The following PLCE1 variants were observed in gnomAD, a reference collection of about 807,000 sequenced individuals.
PLCE1 encodes 1-phosphatidylinositol 4,5-bisphosphate phosphodiesterase epsilon-1.
PLCE1 carries 119 observed loss-of-function variants against 242.8 expected under a neutral mutation model. The ratio of observed to expected loss-of-function variants is 0.49; its 90% CI spans 0.42 to 0.57. The LOEUF (loss-of-function observed/expected upper bound fraction) is 0.57. PLCE1 is among the 20% of genes least tolerant of loss of function. PLCE1 has a pLI of 0.00. For synonymous variants in PLCE1, 945 were observed against 1,017.4 expected, an observed-to-expected ratio of 0.93 and a Z score of 1.35; for missense variants, 2,441 against 2,788.8, an observed-to-expected ratio of 0.88 and a Z score of 2.81.
intron 25 of PLCE1, among the ~76,000 whole-genome samples, chr10:94,305,486 CTTGTCT>C (rs1432383705): frequency 6.6e-6 from 1 of 152,122 alleles, no homozygotes; most frequent in Non-Finnish European, 1.5e-5. Flanking sequence ...ACCTTTAGAT[CTTGTCT>C]CTCTCTCTCC....
chr10:94,321,438 C>T (rs2053796876), intron 29 of PLCE1, among the ~76,000 whole-genome samples: 1 of 152,180 alleles, frequency 6.6e-6, no homozygotes, highest in Non-Finnish European at 1.5e-5. Context: ...TCAAGACCAG[C>T]CTGGCCAGCA....
intron 4 of PLCE1, among the ~76,000 whole-genome samples, chr10:94,185,656 C>T (rs893982653): frequency 1.3e-5 from 2 of 152,122 alleles, no homozygotes; most frequent in African/African-American, 4.8e-5. Flanking sequence ...GACACTTAAA[C>T]AAGATAACAT....
chr10:94,284,136 G>A (rs2052351567), intron 21 of PLCE1, among the ~76,000 whole-genome samples: 1 of 152,186 alleles, frequency 6.6e-6, no homozygotes, highest in South Asian at 2.1e-4. Flanking sequence ...TGTATGTGTG[G>A]CAGGTACTGA....
chr10:94,060,461 T>G (rs1184417434), intron 2 of PLCE1, among the ~76,000 whole-genome samples: 2 of 152,116 alleles, frequency 1.3e-5, no homozygotes, highest in Non-Finnish European at 2.9e-5. Flanking sequence ...GGAAACAAGA[T>G]TAGCTTGCTG....
intron 2 of PLCE1, among the ~76,000 whole-genome samples, chr10:94,083,365 C>A (rs994779429): frequency 6.6e-6 from 1 of 152,088 alleles, no homozygotes; most frequent in African/African-American, 2.4e-5. Context: ...ATAAAGGTGT[C>A]GGTCGTTTTC....
chr10:94,007,355 T>C (rs1054589721), intron 1 of PLCE1, among the ~76,000 whole-genome samples: 1 of 152,118 alleles, frequency 6.6e-6, no homozygotes, highest in African/African-American at 2.4e-5. Flanking sequence ...AAGGAGTGGC[T>C]GGTGCTATTC....
At chr10:94,134,698 G>T (rs1466346696) in intron 3 of PLCE1, among the ~76,000 whole-genome samples, 1 of 152,174 alleles carries the variant, frequency 6.6e-6, no homozygotes, top group African/African-American at 2.4e-5. Flanking sequence ...TCTGTGGAGA[G>T]AAATAAGGAA....
At chr10:94,312,738 C>T (rs191714865) in intron 27 of PLCE1, among the ~76,000 whole-genome samples, 1 of 152,184 alleles carries the variant, frequency 6.6e-6, no homozygotes, top group African/African-American at 2.4e-5. Flanking sequence ...TCACTATAAG[C>T]CTTCCATAAA....
At chr10:94,154,962 GGA>G (rs2047384476) in intron 3 of PLCE1, among the ~76,000 whole-genome samples, 1 of 72,522 alleles carries the variant, frequency 1.4e-5, no homozygotes, top group Non-Finnish European at 4.2e-5. Flanking sequence ...GATAATTGGG[GGA>G]AAAAAAAGTA....
chr10:94,019,592 G>A (rs938098393), intron 1 of PLCE1, among the ~76,000 whole-genome samples: 4 of 152,196 alleles, frequency 2.6e-5, no homozygotes, highest in African/African-American at 9.6e-5. Context: ...CTATATCTCC[G>A]CTGTCCAATA....
intron 2 of PLCE1, among the ~76,000 whole-genome samples, chr10:94,083,363 G>A (rs981085017): frequency 1.4e-4 from 21 of 152,164 alleles, no homozygotes; most frequent in African/African-American, 5.1e-4. Context: ...GTATAAAGGT[G>A]TCGGTCGTTT....
chr10:94,196,153 T>C (rs1264768999), intron 4 of PLCE1, among the ~76,000 whole-genome samples: 4 of 152,224 alleles, frequency 2.6e-5, no homozygotes, highest in Non-Finnish European at 5.9e-5. Context: ...TGATACTTAA[T>C]GTATAAGGTG....
At chr10:94,263,949 G>A (rs1359513084) in intron 14 of PLCE1, among the ~76,000 whole-genome samples, 8 of 152,042 alleles carry the variant, frequency 5.3e-5, no homozygotes, top group Admixed American at 5.2e-4. Flanking sequence ...TTTAGTCTAG[G>A]TTTTCAACCT....
At chr10:94,177,211 C>T (rs7078224) in intron 4 of PLCE1, among the ~76,000 whole-genome samples, 4,738 of 152,192 alleles carry the variant, frequency 0.031, 216 homozygotes, top group African/African-American at 0.093. Context: ...ACTCAAAGTA[C>T]GACCATGAAA....
chr10:94,178,554 G>A (rs2048195318), intron 4 of PLCE1, among the ~76,000 whole-genome samples: 2 of 152,188 alleles, frequency 1.3e-5, no homozygotes, highest in South Asian at 4.1e-4. Flanking sequence ...CAGTTCAACA[G>A]TTTAAAGGCC....
At chr10:94,030,452 T>C (rs1161659704) in intron 1 of PLCE1, among the ~76,000 whole-genome samples, 3 of 152,246 alleles carry the variant, frequency 2.0e-5, no homozygotes, top group East Asian at 3.9e-4. Flanking sequence ...TGATTTTCTT[T>C]TTAGTTATTT....
chr10:94,045,262 A>G (rs918059982), intron 2 of PLCE1, among the ~76,000 whole-genome samples: 1 of 152,134 alleles, frequency 6.6e-6, no homozygotes, highest in Non-Finnish European at 1.5e-5. Flanking sequence ...GAAGCTGGGA[A>G]TATGGGCTCG....
Position 94,207,486 on chromosome 10 carries a change from T to TAC in PLCE1, c.1810-19816_1810-19815dup, listed in dbSNP as rs1715057432. On this transcript the variant is annotated intron_variant, in intron 4 of 32. Coordinates refer to ENST00000371380, the MANE Select transcript of PLCE1 (RefSeq NM_016341.4). ...TGAATGTAGGCTTTTATAATCTATA[T>TAC]ACACAAATAAATGAGGGAATAGTTA... Among the ~76,000 whole-genome samples the TAC allele has an allele frequency of 2.6e-5, 4 of 151,796 alleles. No homozygotes were observed. In the South Asian group the frequency reaches 8.3e-4, roughly 32 times the overall value.
intron 8 of PLCE1, among the ~76,000 whole-genome samples, chr10:94,250,562 G>A (rs2050840985): frequency 6.6e-6 from 1 of 151,862 alleles, no homozygotes; most frequent in South Asian, 2.1e-4. Flanking sequence ...TTATTATTTT[G>A]TGTAAAACAA....
Sources: allele counts gnomAD v4.1 joint callset (sites outside exome capture counted in the v4.1 genomes callset), GRCh38; gene constraint gnomAD v4.1.1; transcripts MANE v1.5; gene names NCBI Gene and HGNC (gene_info 2026-07-23, HGNC 2026-07-21).